Variants in TACC2 observed in about 807,000 individuals in gnomAD.
TACC2 encodes transforming acidic coiled-coil-containing protein 2.
In TACC2, 137 loss-of-function variants were observed where a neutral mutation model predicts 227.3. The observed-to-expected ratio is 0.60, with a 90% CI of 0.52 to 0.69. TACC2 has a LOEUF of 0.69. Ranked by LOEUF, TACC2 falls within the 30% of genes least tolerant of loss-of-function variation. TACC2 has a pLI of 0.00. For missense variants in TACC2, 3,470 were observed against 3,694.4 expected, an observed-to-expected ratio of 0.94 and a Z score of 1.57; for synonymous variants, 1,523 against 1,487.5, an observed-to-expected ratio of 1.02 and a Z score of -0.55.
Position 122,084,243 on chromosome 10 carries a change from A to C in TACC2, c.1743A>C (p.Glu581Asp), listed in dbSNP as rs769718707. ...GTGACAGCCCTGGAGGAAAGGAGGA[A>C]GCCCCAGAGCCACCTGATGGTGGAG... Reference protein sequence around the residue: ...SPGDSPGGKEEAPEPPDGGDP... With the variant: ...SPGDSPGGKEDAPEPPDGGDP... Residue 581 changes from glutamate (E) to aspartate (D), a missense_variant, in exon 4 of 23, where the codon GAA becomes GAC. Around this residue, in one of 10 missense-constraint regions of TACC2, gnomAD observed 1,924 missense variants for 1,978.3 expected, o/e 0.97. Transcript: ENST00000369005. 8 of 1,613,940 alleles carry C rather than the reference A, an allele frequency of 5.0e-6. No individual in the cohort carries two copies. The highest frequency in any genetic ancestry group is 1.3e-5 in the African/African-American group (1 of 74,924).
chr10:122,242,758 T>C (rs2096027048), intron 19 of TACC2, among the ~76,000 whole-genome samples: 1 of 152,132 alleles, frequency 6.6e-6, no homozygotes, highest in East Asian at 1.9e-4. Context: ...TCTGTGGGAT[T>C]TTTTTAAAAT....
At chr10:122,135,607 G>A (rs930336534) in intron 6 of TACC2, among the ~76,000 whole-genome samples, 2 of 152,062 alleles carry the variant, frequency 1.3e-5, no homozygotes, top group Non-Finnish European at 2.9e-5. Flanking sequence ...TTAATACCAA[G>A]GATTGGTCTG....
intron 1 of TACC2, among the ~76,000 whole-genome samples, chr10:122,008,923 C>A (rs1187783054): frequency 6.6e-6 from 1 of 152,170 alleles, no homozygotes. Context: ...TGTAATAGTC[C>A]CTGCTGTGAC....
intron 7 of TACC2, among the ~76,000 whole-genome samples, chr10:122,161,503 T>G (rs1444040224): frequency 1.3e-5 from 2 of 152,266 alleles, no homozygotes. Context: ...TTTCCTCTTT[T>G]GCCAGCTGAG....
Position 122,050,516 on chromosome 10 carries a change from A to G in TACC2, c.112A>G (p.Thr38Ala). Residue 38 changes from threonine (T) to alanine (A), a missense_variant, in exon 3 of 23, where the codon ACG becomes GCG. Physicochemically the swap from Thr to Ala is moderately conservative, Grantham distance 58. This residue lies in a region of TACC2 where 405 missense variants were observed against 389.6 expected (regional missense o/e 1.04). Coordinates refer to ENST00000369005, the MANE Select transcript of TACC2 (RefSeq NM_206862.4). This position sits in a 1 kb window ranked among gnomAD's most constrained non-coding sequence, Gnocchi z 4.6. ...GAATATAAAAAGGAAGCAGCAGGACACGCCCGGAAGCCCTGACCACAGAGA... is the reference window on the plus strand; with the variant it reads ...GAATATAAAAAGGAAGCAGCAGGACGCGCCCGGAAGCCCTGACCACAGAGA... ...SQNIKRKQQD[T>A]PGSPDHRDAS... The G allele has an allele frequency of 6.2e-7, 1 of 1,614,040 alleles. No individual in the cohort carries two copies. The highest frequency in any genetic ancestry group is 8.5e-7 in the Non-Finnish European group (1 of 1,180,016).
chr10:122,195,093 A>AAGCTCCGCC lies in TACC2; in HGVS notation c.5895_5903dup (p.Ala1967_Pro1969dup). On this transcript the variant is annotated inframe_insertion, in exon 8 of 23. Transcript: ENST00000369005. ...ACCCCGGAGTCAACGACCCCTGTCA[A>AAGCTCCGCC]AGCTCCGCCAGCTCCACCCCCACCA... is the stretch of plus-strand genomic sequence containing the variant. The AAGCTCCGCC allele has an allele frequency of 3.7e-6, 6 of 1,613,846 alleles. No individual in the cohort carries two copies. The highest frequency in any genetic ancestry group is 5.1e-6 in the Non-Finnish European group (6 of 1,179,862).
intron 5 of TACC2, among the ~76,000 whole-genome samples, chr10:122,115,908 G>A (rs34501655): frequency 0.042 from 6,328 of 152,266 alleles, 193 homozygotes; most frequent in Middle Eastern, 0.065. Flanking sequence ...TCAGTAACTA[G>A]TGCTGGCTAG....
At chr10:122,019,162 C>T (rs1957041296) in intron 1 of TACC2, among the ~76,000 whole-genome samples, 1 of 152,210 alleles carries the variant, frequency 6.6e-6, no homozygotes, top group South Asian at 2.1e-4. Flanking sequence ...AGGGCCTCCT[C>T]CATCCAGGGT....
chr10:122,013,628 C>T (rs557312040), intron 1 of TACC2, among the ~76,000 whole-genome samples: 5 of 152,280 alleles, frequency 3.3e-5, no homozygotes, highest in South Asian at 2.1e-4. Flanking sequence ...AGCTCCCCCT[C>T]GATGAGCAAA....
rs2096196421 is a variant in TACC2, at chr10:122,249,109, G to T, written c.8613G>T (p.Glu2871Asp). 1 of 1,613,180 alleles carries T rather than the reference G, an allele frequency of 6.2e-7. No individual in the cohort carries two copies. The highest frequency in any genetic ancestry group is 8.5e-7 in the Non-Finnish European group (1 of 1,179,894). ...ACCTGTCCCGGGTGAAGAAGGAGGA[G>T]CAGAGGTACCAGGCCCTGAAGGTGC... ...QEYLSRVKKE[E>D]QRYQALKVHA... is the part of the protein sequence containing the mutation. The change falls in exon 21 of 23, where the codon GAG becomes GAT. Residue 2871 changes from glutamate (E) to aspartate (D), a missense_variant. Physicochemically the swap from Glu to Asp is conservative, Grantham distance 45. This residue lies in a region of TACC2 where 89 missense variants were observed against 91.4 expected (regional missense o/e 0.97). Coordinates refer to ENST00000369005, the MANE Select transcript of TACC2 (RefSeq NM_206862.4).
chr10:121,998,556 T>C (rs1397056262), intron 1 of TACC2, among the ~76,000 whole-genome samples: 1 of 152,068 alleles, frequency 6.6e-6, no homozygotes, highest in Non-Finnish European at 1.5e-5. Flanking sequence ...CTTGCCAACG[T>C]TTCGTAAGTG....
At chr10:122,137,284 T>TAA (rs112823591) in intron 6 of TACC2, among the ~76,000 whole-genome samples, 2 of 140,032 alleles carry the variant, frequency 1.4e-5, no homozygotes, top group Admixed American at 7.2e-5. Flanking sequence ...GTATTTTCAT[T>TAA]AAAAAAAAAA....
In TACC2 at chr10:122,034,151, CAAAAAAAAAAAAA is replaced by C. The variant is rs137962512; in HGVS notation, c.33+12147_33+12159del. On this transcript the variant is annotated intron_variant, in intron 2 of 22. Transcript: ENST00000369005. ...TGGGTGACAGAGTGAGACTCTGTCTCAAAAAAAAAAAAAAAAAAAAAAGAGCTGCTCTGCCCCG... is the reference window on the plus strand; with the variant it reads ...TGGGTGACAGAGTGAGACTCTGTCTCAAAAAAAAAGAGCTGCTCTGCCCCG... Among the ~76,000 whole-genome samples, 410 of 83,080 alleles carry C rather than the reference CAAAAAAAAAAAAA, an allele frequency of 4.9e-3. 5 individuals carry two copies. The highest frequency in any genetic ancestry group is 0.017 in the African/African-American group (375 of 21,714). The allele number at this position is 83,080 out of a possible 152,430, so 54.5% of individuals were successfully genotyped here.
Position 122,132,276 on chromosome 10 carries a change from C to T in TACC2, c.5574-333C>T, listed in dbSNP as rs961856528. Among the ~76,000 whole-genome samples the T allele has an allele frequency of 7.3e-5, 11 of 151,402 alleles. 1 individual carries two copies. The highest frequency in any genetic ancestry group is 2.1e-4 in the South Asian group (1 of 4,766). On this transcript the variant is annotated intron_variant, in intron 5 of 22. Transcript: ENST00000369005. ...AAAACTTGTAGGAGGCCAGGCACGG[C>T]GGCTCACGCCTGTAATCCCCACACT...
Position 122,120,192 on chromosome 10 carries a change from C to T in TACC2, c.5574-12417C>T, listed in dbSNP as rs549321391. The stretch of plus-strand genomic sequence containing the variant: ...GCTGGAGCTGTGAGTCAGCAGGTCA[C>T]CCCCTGCCTCCCGTCCTTAACTCCC... On this transcript the variant is annotated intron_variant, in intron 5 of 22. Coordinates refer to ENST00000369005, the MANE Select transcript of TACC2 (RefSeq NM_206862.4). Among the ~76,000 whole-genome samples, 6 of 152,282 alleles carry T rather than the reference C, an allele frequency of 3.9e-5. No homozygotes were observed. In the South Asian group the frequency reaches 1.2e-3, roughly 32 times the overall value.
intron 5 of TACC2, among the ~76,000 whole-genome samples, 176 bp from the exon 6 acceptor site, chr10:122,132,433 C>T (rs569947636): frequency 2.0e-5 from 3 of 152,326 alleles, no homozygotes; most frequent in Admixed American, 2.0e-4. Flanking sequence ...CCTGTAATCG[C>T]AGCTACTCAG....
chr10:122,109,411 A>G (rs547247751), intron 5 of TACC2, among the ~76,000 whole-genome samples: 2 of 152,328 alleles, frequency 1.3e-5, no homozygotes, highest in South Asian at 4.1e-4. Flanking sequence ...CTGAATCAGA[A>G]TGCCCGGGAG....
chr10:122,119,783 G>T (rs148301130), intron 5 of TACC2, among the ~76,000 whole-genome samples: 2 of 152,160 alleles, frequency 1.3e-5, no homozygotes, highest in African/African-American at 2.4e-5. Flanking sequence ...ACTGGGTGTG[G>T]TGGTATGCAC....
intron 11 of TACC2, 69 bp from the exon 12 acceptor site, chr10:122,224,657 C>T: frequency 6.9e-7 from 1 of 1,444,422 alleles, no homozygotes; most frequent in East Asian, 2.3e-5. Context: ...CAGATCTTCC[C>T]ATTTTTTTCC....
Sources: allele counts gnomAD v4.1 joint callset (sites outside exome capture counted in the v4.1 genomes callset), GRCh38; gene constraint gnomAD v4.1.1; regional missense constraint gnomAD v4.1.1; non-coding constraint Gnocchi (gnomAD v3.1); transcripts MANE v1.5; gene names NCBI Gene and HGNC (gene_info 2026-07-23, HGNC 2026-07-21).